NRIP1: variants seen among roughly 807,000 people sequenced by gnomAD.
NRIP1 encodes the protein nuclear receptor interacting protein 1.
In NRIP1, 28 loss-of-function variants were observed where a neutral mutation model predicts 75.0. The observed-to-expected ratio is 0.37, with a 90% confidence interval of 0.28 to 0.51. NRIP1 has a LOEUF of 0.51. Among genes scored for constraint, NRIP1 ranks in the 20% least tolerant of loss-of-function variants. The pLI is 0.92. For missense variants in NRIP1, 1,435 were observed against 1,343.7 expected, an observed-to-expected ratio of 1.07 and a Z score of -1.06; for synonymous variants, 526 against 487.6, an observed-to-expected ratio of 1.08 and a Z score of -1.04.
intron 1 of NRIP1, among the ~76,000 whole-genome samples, chr21:15,062,160 C>T (rs563754343): frequency 6.6e-6 from 1 of 152,312 alleles, no homozygotes; most frequent in Admixed American, 6.5e-5. Flanking sequence ...CCTCCATGGA[C>T]AATGTGATAA....
chr21:15,012,958 G>C (rs1334667526), intron 3 of NRIP1, among the ~76,000 whole-genome samples: 1 of 152,096 alleles, frequency 6.6e-6, no homozygotes. Flanking sequence ...ATATCTTGTG[G>C]CGGGGCGGTC....
At chr21:15,022,400 G>C (rs77817039) in intron 2 of NRIP1, among the ~76,000 whole-genome samples, 1 of 152,174 alleles carries the variant, frequency 6.6e-6, no homozygotes, top group African/African-American at 2.4e-5. Flanking sequence ...AGGTGTGGGG[G>C]GAGGGAGAGC....
At chr21:14,995,770 T>TG (rs1010216958) in intron 3 of NRIP1, among the ~76,000 whole-genome samples, 2 of 147,418 alleles carry the variant, frequency 1.4e-5, no homozygotes, top group African/African-American at 4.9e-5. Flanking sequence ...TGTGTGCGTG[T>TG]GTGTGTGTGT....
chr21:15,057,812 G>A (rs1489925667), intron 1 of NRIP1, among the ~76,000 whole-genome samples: 1 of 152,118 alleles, frequency 6.6e-6, no homozygotes, highest in East Asian at 1.9e-4. Context: ...ATACCTACAT[G>A]TCACAGGGGA....
intron 3 of NRIP1, chr21:14,974,400 CATA>C (rs2086991261): frequency 6.6e-6 from 1 of 152,114 alleles, no homozygotes; most frequent in Non-Finnish European, 1.5e-5. Flanking sequence ...TTTAATAGCT[CATA>C]ATGATGTTGA....
At chr21:15,050,249 A>T (rs1468520921) in intron 1 of NRIP1, 1 of 166,472 alleles carries the variant, frequency 6.0e-6, no homozygotes, top group African/African-American at 2.4e-5. Context: ...AGAACCTTCC[A>T]ATGTGTTTCC....
chr21:15,064,355 A>T (rs1203933469), intron 1 of NRIP1, among the ~76,000 whole-genome samples: 1 of 152,204 alleles, frequency 6.6e-6, no homozygotes, highest in Non-Finnish European at 1.5e-5. Flanking sequence ...GCTGGACAGC[A>T]GGACGGAGAG....
intron 1 of NRIP1, among the ~76,000 whole-genome samples, chr21:15,057,484 C>T (rs1032128560): frequency 8.5e-5 from 13 of 152,340 alleles, no homozygotes; most frequent in Non-Finnish European, 1.6e-4. Context: ...GGTAGCAGGA[C>T]ATCAGCGCTT....
intron 3 of NRIP1, among the ~76,000 whole-genome samples, chr21:14,983,224 A>AC (rs397952928): frequency 2.0e-4 from 30 of 152,206 alleles, no homozygotes; most frequent in African/African-American, 6.3e-4. Context: ...AAAAAAAAAA[A>AC]CAATTATTGT....
intron 2 of NRIP1, among the ~76,000 whole-genome samples, chr21:15,021,906 G>GC (rs1186227208): frequency 6.6e-6 from 1 of 152,202 alleles, no homozygotes; most frequent in Non-Finnish European, 1.5e-5. Context: ...ATGCTGGCAA[G>GC]GTTGTGGAGA....
intron 3 of NRIP1, among the ~76,000 whole-genome samples, chr21:15,004,978 T>A (rs1600859131): frequency 6.6e-6 from 1 of 152,218 alleles, no homozygotes; most frequent in East Asian, 1.9e-4. Context: ...TGTGATAATG[T>A]TTCTAGGAGA....
Position 14,967,933 on chromosome 21 carries a change from A to C in NRIP1, c.260T>G (p.Leu87Trp). 1 of 1,614,124 alleles carries C rather than the reference A, an allele frequency of 6.2e-7. No homozygotes were observed. The highest frequency in any genetic ancestry group is 8.5e-7 in the Non-Finnish European group (1 of 1,180,012). The change falls in exon 4 of 4, where the codon TTG (leucine) becomes TGG (tryptophan). Residue 87 changes from leucine to tryptophan, a missense_variant. Physicochemically the swap from Leu to Trp is moderately conservative, Grantham distance 61. Transcript: ENST00000318948. ...TGCATTCCAGTCCTCAGAAGACTGCAACAGTCTGGCTTTTTTGAGGTGCAG... is the reference window on the plus strand; with the variant it reads ...TGCATTCCAGTCCTCAGAAGACTGCCACAGTCTGGCTTTTTTGAGGTGCAG... ...GMLHLKKARL[L>W]QSSEDWNAAK... is the part of the protein sequence containing the mutation.
At chr21:15,025,561 C>A (rs2088497741) in intron 2 of NRIP1, among the ~76,000 whole-genome samples, 1 of 152,030 alleles carries the variant, frequency 6.6e-6, no homozygotes, top group African/African-American at 2.4e-5. Context: ...AAAGCACCTG[C>A]ATGCAAAATA....
chr21:14,988,434 T>C (rs1338882751), intron 3 of NRIP1, among the ~76,000 whole-genome samples: 1 of 147,138 alleles, frequency 6.8e-6, no homozygotes, highest in African/African-American at 2.5e-5. Context: ...GATAGATAGA[T>C]AGATAGATAG....
At chr21:14,973,200 C>A in intron 3 of NRIP1, among the ~76,000 whole-genome samples, 1 of 151,112 alleles carries the variant, frequency 6.6e-6, no homozygotes, top group Non-Finnish European at 1.5e-5. Context: ...CAGAACTTTT[C>A]TAGAATTTGG....
intron 3 of NRIP1, among the ~76,000 whole-genome samples, chr21:15,005,561 ACT>A (rs979450995): frequency 3.3e-5 from 5 of 152,176 alleles, no homozygotes; most frequent in Non-Finnish European, 5.9e-5. Context: ...GCGCCCTTGT[ACT>A]GGATTTGCAA....
At chr21:15,016,918 G>T (rs899032455) in intron 2 of NRIP1, among the ~76,000 whole-genome samples, 1 of 147,220 alleles carries the variant, frequency 6.8e-6, no homozygotes, top group South Asian at 2.2e-4. Flanking sequence ...AGGAAAGAAA[G>T]AGAGAGAGAG....
intron 1 of NRIP1, among the ~76,000 whole-genome samples, chr21:15,063,309 T>C (rs183554243): frequency 6.6e-6 from 1 of 152,280 alleles, no homozygotes; most frequent in Non-Finnish European, 1.5e-5. Flanking sequence ...AGCAACTCAC[T>C]TACTTGGAAG....
intron 1 of NRIP1, chr21:15,051,175 C>T (rs983328349): frequency 9.6e-6 from 3 of 312,692 alleles, no homozygotes; most frequent in African/African-American, 6.5e-5. Flanking sequence ...GCTGTGCCTC[C>T]GAGAACTCAT....
Sources: gnomAD v4.1 joint callset for allele counts (sites outside exome capture counted in the v4.1 genomes callset) on GRCh38, gnomAD v4.1.1 for gene constraint, MANE v1.5 for transcripts, NCBI Gene and HGNC (gene_info 2026-07-23, HGNC 2026-07-21) for gene names.